DLG2: variants seen among roughly 807,000 people sequenced by gnomAD.
DLG2 encodes disks large homolog 2.
DLG2 carries 45 observed loss-of-function variants against 132.5 expected under a neutral mutation model. That is an observed-to-expected ratio of 0.34 (90% CI 0.27 to 0.44). The LOEUF is 0.44. DLG2 is among the 20% of genes least tolerant of loss of function. DLG2 has a pLI of 1.00. For synonymous variants in DLG2, 424 were observed against 419.6 expected, an observed-to-expected ratio of 1.01 and a Z score of -0.13; for missense variants, 1,045 against 1,196.9, an observed-to-expected ratio of 0.87 and a Z score of 1.87.
chr11:84,765,345 T>A (rs2068256336), intron 6 of DLG2, among the ~76,000 whole-genome samples: 2 of 152,064 alleles, frequency 1.3e-5, no homozygotes, highest in African/African-American at 4.8e-5. Context: ...AAACTACTAA[T>A]GACATAAGCA....
chr11:84,738,147 G>A (rs371619521), intron 6 of DLG2, among the ~76,000 whole-genome samples: 1 of 152,094 alleles, frequency 6.6e-6, no homozygotes, highest in Non-Finnish European at 1.5e-5. Flanking sequence ...TCCATCCTGA[G>A]AGAAGAGCAT....
chr11:85,234,231 A>G (rs1299676210), intron 4 of DLG2, among the ~76,000 whole-genome samples: 1 of 151,982 alleles, frequency 6.6e-6, no homozygotes, highest in Non-Finnish European at 1.5e-5. Flanking sequence ...GAGCTTTTCA[A>G]GTTAAAAAAT....
At chr11:84,912,267 T>C (rs958500241) in intron 6 of DLG2, among the ~76,000 whole-genome samples, 1 of 152,216 alleles carries the variant, frequency 6.6e-6, no homozygotes, top group African/African-American at 2.4e-5. Flanking sequence ...GCCATTCTCC[T>C]GCCTCAGCCT....
chr11:84,422,934 G>T (rs1243793133), intron 7 of DLG2, among the ~76,000 whole-genome samples: 1 of 152,194 alleles, frequency 6.6e-6, no homozygotes, highest in Admixed American at 6.5e-5. Context: ...CCTACCCAAA[G>T]TCACTTCTCC....
chr11:84,966,714 C>A (rs757270715), intron 6 of DLG2, among the ~76,000 whole-genome samples: 1 of 151,890 alleles, frequency 6.6e-6, no homozygotes, highest in Admixed American at 6.6e-5. Context: ...ATGGTCTTTC[C>A]GAAGATTTAT....
chr11:85,475,017 C>T (rs1239672081), intron 3 of DLG2, among the ~76,000 whole-genome samples: 3 of 150,972 alleles, frequency 2.0e-5, no homozygotes, highest in African/African-American at 7.3e-5. Flanking sequence ...AATAAAATTT[C>T]TAAAAAGTTA....
At chr11:83,932,990 G>A (rs746062946) in intron 14 of DLG2, among the ~76,000 whole-genome samples, 5 of 152,152 alleles carry the variant, frequency 3.3e-5, no homozygotes, top group African/African-American at 7.2e-5. Context: ...GCTCCAATGG[G>A]CACAGTGGGC....
intron 6 of DLG2, among the ~76,000 whole-genome samples, chr11:84,560,782 T>C (rs527919668): frequency 1.2e-4 from 18 of 152,162 alleles, no homozygotes; most frequent in Non-Finnish European, 1.8e-4. Flanking sequence ...GGAGTAGGTA[T>C]TACTTCAAGA....
intron 6 of DLG2, among the ~76,000 whole-genome samples, chr11:84,707,392 C>A (rs762736938): frequency 1.5e-4 from 22 of 151,708 alleles, no homozygotes; most frequent in Non-Finnish European, 2.8e-4. Context: ...TGCTGAGTTT[C>A]CTGGCTTGAC....
At chr11:83,713,468 T>G (rs1248723224) in intron 18 of DLG2, among the ~76,000 whole-genome samples, 1 of 152,060 alleles carries the variant, frequency 6.6e-6, no homozygotes, top group Non-Finnish European at 1.5e-5. Context: ...AAGAAAGTAT[T>G]TAAATGTAGG....
At chr11:84,843,552 T>C (rs1409373217) in intron 6 of DLG2, among the ~76,000 whole-genome samples, 2 of 151,772 alleles carry the variant, frequency 1.3e-5, no homozygotes, top group African/African-American at 4.8e-5. Context: ...CCTTGGGGAG[T>C]TGGTTCCAGG....
At chr11:83,602,570 G>T (rs1401594760) in intron 19 of DLG2, among the ~76,000 whole-genome samples, 2 of 152,224 alleles carry the variant, frequency 1.3e-5, no homozygotes, top group African/African-American at 4.8e-5. Flanking sequence ...GGGCAGAATG[G>T]AGAGAATGGG....
intron 18 of DLG2, among the ~76,000 whole-genome samples, chr11:83,760,665 C>T (rs2093864872): frequency 6.6e-6 from 1 of 151,994 alleles, no homozygotes; most frequent in Non-Finnish European, 1.5e-5. Flanking sequence ...CCACCATCTC[C>T]ATCTATTCTA....
chr11:83,590,906 T>A (rs2097176827), intron 19 of DLG2, among the ~76,000 whole-genome samples: 1 of 150,788 alleles, frequency 6.6e-6, no homozygotes, highest in Admixed American at 6.6e-5. Context: ...ATGGATAAAT[T>A]CCTCGACACA....
intron 6 of DLG2, among the ~76,000 whole-genome samples, chr11:84,591,859 A>T (rs1402769499): frequency 6.6e-6 from 1 of 151,826 alleles, no homozygotes; most frequent in Non-Finnish European, 1.5e-5. Flanking sequence ...ATTATTTTTA[A>T]AATTTATTTT....
chr11:85,277,291 GCCTGA>G (rs2077951883), intron 4 of DLG2, among the ~76,000 whole-genome samples: 1 of 152,140 alleles, frequency 6.6e-6, no homozygotes, highest in East Asian at 1.9e-4. Context: ...TTCTATGAAA[GCCTGA>G]ATTAGATCAG....
chr11:84,503,509 C>T (rs1479223751), intron 7 of DLG2, among the ~76,000 whole-genome samples: 3 of 152,158 alleles, frequency 2.0e-5, no homozygotes, highest in Non-Finnish European at 2.9e-5. Flanking sequence ...TAGTCTGCTG[C>T]ATGTTTCTTA....
intron 4 of DLG2, among the ~76,000 whole-genome samples, chr11:85,261,023 G>A (rs2076911823): frequency 6.6e-6 from 1 of 152,086 alleles, no homozygotes; most frequent in Non-Finnish European, 1.5e-5. Flanking sequence ...GGATGTCATG[G>A]GTGCATCTGG....
intron 18 of DLG2, among the ~76,000 whole-genome samples, chr11:83,749,012 A>G (rs2093120815): frequency 6.6e-6 from 1 of 152,242 alleles, no homozygotes; most frequent in African/African-American, 2.4e-5. Flanking sequence ...TTGGTCAATT[A>G]TATCAGTTTT....
Sources: allele counts gnomAD v4.1 joint callset (sites outside exome capture counted in the v4.1 genomes callset), GRCh38; gene constraint gnomAD v4.1.1; transcripts MANE v1.5; gene names NCBI Gene and HGNC (gene_info 2026-07-23, HGNC 2026-07-21).